The following AGAP1 variants were observed in gnomAD, a reference collection of about 807,000 sequenced individuals.
AGAP1 encodes the protein arf-GAP with GTPase, ANK repeat and PH domain-containing protein 1.
In AGAP1, 29 loss-of-function variants were observed where a neutral mutation model predicts 105.3. The observed-to-expected ratio is 0.28, with a 90% confidence interval of 0.21 to 0.38. AGAP1 has a LOEUF of 0.38. Ranked by LOEUF, AGAP1 falls within the 10% of genes least tolerant of loss-of-function variation. The pLI is 1.00. For synonymous variants in AGAP1, 509 were observed against 485.9 expected, an observed-to-expected ratio of 1.05 and a Z score of -0.63; for missense variants, 998 against 1,165.1, an observed-to-expected ratio of 0.86 and a Z score of 2.09.
chr2:236,100,590 C>T (rs534935140), intron 16 of AGAP1, among the ~76,000 whole-genome samples: 1 of 152,066 alleles, frequency 6.6e-6, no homozygotes, highest in African/African-American at 2.4e-5. Context: ...TTTGGGTGGC[C>T]GAGGTGGGCA....
At chr2:235,592,578 C>T (rs1482891859) in intron 1 of AGAP1, among the ~76,000 whole-genome samples, 2 of 152,118 alleles carry the variant, frequency 1.3e-5, no homozygotes, top group African/African-American at 4.8e-5. Context: ...TCAGGCCTTC[C>T]TTTCTTGTGG....
chr2:235,883,328 C>A lies in AGAP1; in HGVS notation c.1051-17C>A, dbSNP rs749311749. ...TATTTACATTAGAATTTCTATTTGG[C>A]TCTTTTTCCCTTGTAGGGCATGCTG... On this transcript the variant is annotated splice_polypyrimidine_tract_variant and intron_variant, in intron 9 of 17. Transcript: ENST00000304032. This position sits in a 1 kb window ranked among gnomAD's most constrained non-coding sequence, Gnocchi z 4.5. 41 of 1,607,676 alleles carry A rather than the reference C, an allele frequency of 2.6e-5. No homozygotes were observed. The highest frequency in any genetic ancestry group is 3.4e-5 in the Non-Finnish European group (40 of 1,176,120).
At chr2:235,675,822 A>G (rs1948707627) in intron 1 of AGAP1, among the ~76,000 whole-genome samples, 1 of 152,180 alleles carries the variant, frequency 6.6e-6, no homozygotes, top group African/African-American at 2.4e-5. Context: ...AAGTTTCAGC[A>G]TAGGTCACCT....
Position 235,566,985 on chromosome 2 carries a change from C to T in AGAP1, c.163+72136C>T, listed in dbSNP as rs991711203. On this transcript the variant is annotated intron_variant, in intron 1 of 17. Transcript: ENST00000304032. This position sits in a 1 kb window ranked among gnomAD's most constrained non-coding sequence, Gnocchi z 5.2. The stretch of plus-strand genomic sequence containing the variant: ...GGTGTCCCATCCAGCTGCATCACTC[C>T]AGTCTCTGCTTCTGTTATCACGTGC... 6.6e-6 allele frequency among the ~76,000 whole-genome samples: 1 copy of T among 152,198 alleles called. No homozygotes were observed. Among genetic ancestry groups the T allele is most frequent in the Non-Finnish European group, 1.5e-5 (1 of 68,024 alleles).
At position 235,967,170 on chromosome 2, in the gene AGAP1, C is replaced by T. The variant is rs2054436456; in HGVS notation, c.1484-1292C>T. 6.6e-6 allele frequency among the ~76,000 whole-genome samples: 1 copy of T among 152,120 alleles called. No homozygotes were observed. The highest frequency in any genetic ancestry group is 1.5e-5 in the Non-Finnish European group (1 of 68,028). ...GGCCACCGCCACTCGGGCCCCCTCT[C>T]CGTTTCTGGAACACACCAGGCTCCC... On this transcript the variant is annotated intron_variant, in intron 12 of 17. Coordinates refer to ENST00000304032, the MANE Select transcript of AGAP1 (RefSeq NM_001037131.3). The surrounding 1 kb of genome is among the most constrained non-coding windows in gnomAD (Gnocchi z 4.7).
At chr2:235,708,417 G>A (rs927822029) in intron 1 of AGAP1, among the ~76,000 whole-genome samples, 8 of 152,128 alleles carry the variant, frequency 5.3e-5, no homozygotes, top group Non-Finnish European at 1.0e-4. Flanking sequence ...AGCCATGGTC[G>A]TTTGGGTCAT....
rs1575898625 is a variant in AGAP1 at position 235,962,008 on chromosome 2, T to C, written c.1484-6454T>C. Among the ~76,000 whole-genome samples the C allele has an allele frequency of 6.6e-6, 1 of 151,762 alleles. No individual in the cohort carries two copies. The highest frequency in any genetic ancestry group is 1.9e-4 in the East Asian group (1 of 5,168). ...GGGGACAGGCTGGGGCAGGGCGGGGTGGAGGGTGTCCTCTTCTGATGGATG... is the reference window on the plus strand; with the variant it reads ...GGGGACAGGCTGGGGCAGGGCGGGGCGGAGGGTGTCCTCTTCTGATGGATG... On this transcript the variant is annotated intron_variant, in intron 12 of 17. Transcript: ENST00000304032. The surrounding 1 kb of genome is among the most constrained non-coding windows in gnomAD (Gnocchi z 5.3).
At chr2:235,628,201 G>A (rs1336282223) in intron 1 of AGAP1, among the ~76,000 whole-genome samples, 1 of 152,114 alleles carries the variant, frequency 6.6e-6, no homozygotes, top group East Asian at 1.9e-4. Flanking sequence ...CACACGTCAG[G>A]CACTGTCTGG....
At position 235,612,566 on chromosome 2, in the gene AGAP1, C is replaced by G. The variant is rs368714267; in HGVS notation, c.164-96613C>G. On this transcript the variant is annotated intron_variant, in intron 1 of 17. Coordinates refer to ENST00000304032, the MANE Select transcript of AGAP1 (RefSeq NM_001037131.3). This position sits in a 1 kb window ranked among gnomAD's most constrained non-coding sequence, Gnocchi z 4.3. ...GTATTCAGGTGCTAAGGGAAAAGAACGTGACTGTGTGGGGGTCTCCCTGAC... is the reference window on the plus strand; with the variant it reads ...GTATTCAGGTGCTAAGGGAAAAGAAGGTGACTGTGTGGGGGTCTCCCTGAC... 6.6e-6 allele frequency among the ~76,000 whole-genome samples: 1 copy of G among 152,186 alleles called. No individual in the cohort carries two copies.
intron 6 of AGAP1, among the ~76,000 whole-genome samples, chr2:235,785,902 C>T (rs1352355474): frequency 7.1e-6 from 1 of 140,266 alleles, no homozygotes; most frequent in East Asian, 2.2e-4. Context: ...CAAATTTGGG[C>T]CTTTTAAAAA....
rs772108536 is a variant in AGAP1 at position 236,036,258 on chromosome 2, T to A, written c.1646-303T>A. ...GGTCAGCCATGAGTTACATGGTTATTCTCCTAAGTTGCTTTGTGTGTGCAC... is the reference window on the plus strand; with the variant it reads ...GGTCAGCCATGAGTTACATGGTTATACTCCTAAGTTGCTTTGTGTGTGCAC... On this transcript the variant is annotated intron_variant, in intron 13 of 17. Transcript: ENST00000304032. This position sits in a 1 kb window ranked among gnomAD's most constrained non-coding sequence, Gnocchi z 5.7. 6.6e-6 allele frequency among the ~76,000 whole-genome samples: 1 copy of A among 152,178 alleles called. No homozygotes were observed. Among genetic ancestry groups the A allele is most frequent in the Non-Finnish European group, 1.5e-5 (1 of 68,024 alleles).
chr2:235,774,335 T>TGCTG (rs768917195), intron 6 of AGAP1: 256 of 470,050 alleles, frequency 5.4e-4, no homozygotes, highest in Non-Finnish European at 1.0e-3. Context: ...AAGATAGAGG[T>TGCTG]GCTGCTGCAG....
intron 13 of AGAP1, among the ~76,000 whole-genome samples, chr2:235,975,466 C>T (rs1298065127): frequency 6.6e-6 from 1 of 152,104 alleles, no homozygotes; most frequent in Non-Finnish European, 1.5e-5. Flanking sequence ...GGGGATTTTG[C>T]ATGCCGTGAT....
Position 235,805,548 on chromosome 2 carries a change from TA to T in AGAP1, c.958-1682del, listed in dbSNP as rs202123913. 3.0e-3 allele frequency among the ~76,000 whole-genome samples: 461 copies of T among 152,088 alleles called. 2 individuals carry two copies. The highest frequency in any genetic ancestry group is 0.02 in the East Asian group (103 of 5,182). On this transcript the variant is annotated intron_variant, in intron 8 of 17. Transcript: ENST00000304032. The stretch of plus-strand genomic sequence containing the variant: ...GTACTCTTAAATATTTTTTGTTAAT[TA>T]AAAAAAAATTTTTTTAATGTTATCA...
rs941752804 is a variant in AGAP1, at chr2:236,014,354, G to A, written c.1646-22207G>A. Among the ~76,000 whole-genome samples the A allele has an allele frequency of 6.6e-6, 1 of 152,114 alleles. No homozygotes were observed. Among genetic ancestry groups the A allele is most frequent in the African/African-American group, 2.4e-5 (1 of 41,408 alleles). On this transcript the variant is annotated intron_variant, in intron 13 of 17. Transcript: ENST00000304032. This position sits in a 1 kb window ranked among gnomAD's most constrained non-coding sequence, Gnocchi z 6.3. ...TAAAACCTACCTTCTCCAACACATA[G>A]GCATGAACTGCTCATAACCAGGGTC...
intron 11 of AGAP1, among the ~76,000 whole-genome samples, chr2:235,911,290 C>A (rs920081188): frequency 6.6e-6 from 1 of 152,050 alleles, no homozygotes; most frequent in Non-Finnish European, 1.5e-5. Flanking sequence ...TAGATGGAGG[C>A]CACACGGAGC....
At position 236,045,976 on chromosome 2, in the gene AGAP1, G is replaced by A. The variant is rs775273411; in HGVS notation, c.1892-3083G>A. On this transcript the variant is annotated intron_variant, in intron 15 of 17. Transcript: ENST00000304032. The surrounding 1 kb of genome is among the most constrained non-coding windows in gnomAD (Gnocchi z 6.9). ...AGTCCGGCACAGGAATGTGTCCCAC[G>A]CATGAATGTCGTCCTTCAGATCTGG... 6.1e-5 allele frequency: 29 copies of A among 471,616 alleles called. No individual in the cohort carries two copies. The highest frequency in any genetic ancestry group is 3.1e-5 in the South Asian group (2 of 64,568). The allele number at this position is 471,616 out of a possible 1,614,324, so 29.2% of individuals were successfully genotyped here.
chr2:235,548,514 G>A (rs1030488767), intron 1 of AGAP1, among the ~76,000 whole-genome samples: 1 of 152,122 alleles, frequency 6.6e-6, no homozygotes, highest in African/African-American at 2.4e-5. Flanking sequence ...TTAGCCAGGC[G>A]TGGTGGCATG....
intron 11 of AGAP1, among the ~76,000 whole-genome samples, chr2:235,925,263 T>C (rs1333182999): frequency 3.3e-5 from 5 of 152,128 alleles, no homozygotes; most frequent in African/African-American, 9.7e-5. Flanking sequence ...TTTTACAATC[T>C]CCTCCTTCTA....
Sources: gnomAD v4.1 joint callset for allele counts (sites outside exome capture counted in the v4.1 genomes callset) on GRCh38, gnomAD v4.1.1 for gene constraint, Gnocchi (gnomAD v3.1) non-coding constraint, MANE v1.5 for transcripts, NCBI Gene and HGNC (gene_info 2026-07-23, HGNC 2026-07-21) for gene names.